Variants in DOP1B observed in about 807,000 individuals in gnomAD.
DOP1B encodes DOP1 leucine zipper like protein B.
Under a neutral mutation model 233.5 loss-of-function variants are expected in DOP1B, and 174 were observed. The ratio of observed to expected loss-of-function variants is 0.75; its 90% CI spans 0.66 to 0.85. DOP1B has a LOEUF of 0.85. DOP1B is among the 40% of genes least tolerant of loss of function. DOP1B has a pLI of 0.00. For missense variants in DOP1B, 2,652 were observed against 2,846.6 expected, an observed-to-expected ratio of 0.93 and a Z score of 1.56; for synonymous variants, 1,190 against 1,185.6, an observed-to-expected ratio of 1.00 and a Z score of -0.08.
chr21:36,228,497 T>G (rs1474510996), intron 13 of DOP1B, among the ~76,000 whole-genome samples: 2 of 151,430 alleles, frequency 1.3e-5, no homozygotes, highest in Non-Finnish European at 2.9e-5. Context: ...CTGGGCGCGG[T>G]GGCTCACGCC....
intron 2 of DOP1B, chr21:36,169,300 C>A: frequency 1.3e-6 from 1 of 790,080 alleles, no homozygotes; most frequent in Non-Finnish European, 2.2e-6. Flanking sequence ...GTTTGCTGTC[C>A]TCAGTAAGGT....
At chr21:36,158,981 A>G (rs960285226) in intron 1 of DOP1B, among the ~76,000 whole-genome samples, 1 of 149,948 alleles carries the variant, frequency 6.7e-6, no homozygotes, top group African/African-American at 2.5e-5. Context: ...TATTTTAAAA[A>G]ATTAGCCAGG....
intron 21 of DOP1B, 23 bp downstream of exon 21, chr21:36,248,591 C>G (rs2066996723): frequency 1.3e-6 from 2 of 1,584,876 alleles, no homozygotes; most frequent in Non-Finnish European, 1.7e-6. Context: ...CTCTGTAGTT[C>G]TGTCATTTAC....
At chr21:36,261,727 G>T in intron 24 of DOP1B, 1 of 862,102 alleles carries the variant, frequency 1.2e-6, no homozygotes, top group Non-Finnish European at 1.4e-6. Context: ...GGCCAACGTG[G>T]TAAAACCCTA....
intron 31 of DOP1B, 70 bp downstream of exon 31, chr21:36,280,416 A>G (rs2067402344): frequency 8.5e-7 from 1 of 1,180,514 alleles, no homozygotes; most frequent in East Asian, 2.4e-5. Flanking sequence ...AGCTTTCATC[A>G]TGTATTTCCG....
At chr21:36,175,701 G>C (rs943309396) in intron 2 of DOP1B, 4 of 152,246 alleles carry the variant, frequency 2.6e-5, no homozygotes, top group African/African-American at 9.7e-5. Flanking sequence ...GCTGAGGCAG[G>C]AGAATCACTT....
chr21:36,201,531 A>G (rs2066367066), intron 4 of DOP1B, among the ~76,000 whole-genome samples: 1 of 151,546 alleles, frequency 6.6e-6, no homozygotes, highest in African/African-American at 2.4e-5. Context: ...TATTTTTAGT[A>G]GAGATGGGGT....
Position 36,245,230 on chromosome 21 carries a change from C to T in DOP1B, c.3250C>T (p.Leu1084=). Residue 1084 remains leucine (L), a synonymous_variant, in exon 19 of 37, where the codon CTG becomes TTG. Coordinates refer to ENST00000691173, the MANE Select transcript of DOP1B (RefSeq NM_001320714.2). The surrounding 1 kb of genome is among the most constrained non-coding windows in gnomAD (Gnocchi z 5.5). ...CGAGAAGTACCCGCTGCGAGGCGAG[C>T]TGAGCGAGGAAGAGCTGCCCTACTA... The part of the protein sequence containing the change: ...EPEKYPLRGE[L]SEEELPYYVE... The T allele has an allele frequency of 1.2e-6, 2 of 1,614,106 alleles. No homozygotes were observed. Among genetic ancestry groups the T allele is most frequent in the Non-Finnish European group, 1.7e-6 (2 of 1,180,048 alleles).
rs1042423235 is a variant in DOP1B at position 36,227,149 on chromosome 21, A to G, written c.1474-537A>G. Reference sequence around the variant, plus strand: ...TGTGAACCTGGGAGGCAGAGCTTGCAGTGAGCCGAGATCACACCACTGCAC... The same window carrying G: ...TGTGAACCTGGGAGGCAGAGCTTGCGGTGAGCCGAGATCACACCACTGCAC... On this transcript the variant is annotated intron_variant, in intron 12 of 36. Transcript: ENST00000691173. 4.0e-5 allele frequency among the ~76,000 whole-genome samples: 6 copies of G among 150,954 alleles called. No homozygotes were observed. The South Asian group carries it at 1.3e-3, about 32-fold the overall frequency.
intron 4 of DOP1B, among the ~76,000 whole-genome samples, chr21:36,203,785 G>C (rs1342146653): frequency 6.6e-6 from 1 of 152,040 alleles, no homozygotes; most frequent in Non-Finnish European, 1.5e-5. Context: ...CATAAGGAAT[G>C]AAACTTTTGG....
intron 24 of DOP1B, chr21:36,260,960 CG>C: frequency 7.8e-7 from 1 of 1,282,106 alleles, no homozygotes; most frequent in Non-Finnish European, 9.8e-7. Flanking sequence ...TTTATATGAG[CG>C]AAGCTTTATG....
At chr21:36,275,922 A>G (rs1437912551) in intron 27 of DOP1B, among the ~76,000 whole-genome samples, 4 of 152,116 alleles carry the variant, frequency 2.6e-5, no homozygotes, top group Non-Finnish European at 4.4e-5. Context: ...GCTGCTGGGT[A>G]GTTAGGCAGT....
intron 15 of DOP1B, 115 bp downstream of exon 15, chr21:36,233,190 T>C (rs551221629): frequency 6.0e-6 from 8 of 1,328,750 alleles, no homozygotes; most frequent in African/African-American, 5.9e-5. Context: ...TGATATTCTA[T>C]AGGGCACTGG....
Position 36,270,022 on chromosome 21 carries a change from C to CAGA in DOP1B, c.5499_5501dup (p.Lys1834dup). ...TCCTGATAATTCTCAGGAAATCACT[C>CAGA]AGAAAATCCTAGAAGCTGTGGGGAA... On this transcript the variant is annotated inframe_insertion, in exon 27 of 37. Coordinates refer to ENST00000691173, the MANE Select transcript of DOP1B (RefSeq NM_001320714.2). 1 of 1,613,870 alleles carries CAGA rather than the reference C, an allele frequency of 6.2e-7. No homozygotes were observed. Among genetic ancestry groups the CAGA allele is most frequent in the Non-Finnish European group, 8.5e-7 (1 of 1,179,948 alleles).
intron 33 of DOP1B, 71 bp downstream of exon 33, chr21:36,288,221 T>C (rs2067512116): frequency 1.4e-6 from 2 of 1,427,264 alleles, no homozygotes; most frequent in East Asian, 4.6e-5. Context: ...TAACATAACG[T>C]ACTATTTCCT....
intron 9 of DOP1B, among the ~76,000 whole-genome samples, 195 bp from the exon 10 acceptor site, chr21:36,219,177 T>C (rs981863880): frequency 3.9e-5 from 6 of 152,206 alleles, no homozygotes; most frequent in Admixed American, 2.0e-4. Flanking sequence ...TACAAAAATG[T>C]TGGCTATTTT....
chr21:36,231,390 G>C (rs2066763691), intron 14 of DOP1B, among the ~76,000 whole-genome samples: 1 of 152,154 alleles, frequency 6.6e-6, no homozygotes, highest in Non-Finnish European at 1.5e-5. Flanking sequence ...TTTTGGATTT[G>C]GAATTTTCAG....
At position 36,194,800 on chromosome 21, in the gene DOP1B, T is replaced by G. The variant is rs2066270340; in HGVS notation, c.139-4270T>G. Among the ~76,000 whole-genome samples, 2 of 152,188 alleles carry G rather than the reference T, an allele frequency of 1.3e-5. 1 individual carries two copies. Among genetic ancestry groups the G allele is most frequent in the South Asian group, 4.1e-4 (2 of 4,826 alleles). ...CTGCACCCAGCCTTCTTGCTGCATT[T>G]TTAAAGAAGACAACTGCAGCTTGTC... On this transcript the variant is annotated intron_variant, in intron 2 of 36. Transcript: ENST00000691173.
chr21:36,293,381 C>G lies in DOP1B; in HGVS notation c.6707C>G (p.Ser2236Cys). ...GAATTCCCGCTTCTGCGCCAACATT[C>G]TGTTTCCAGCATCAGGCAGTTGATG... ...KSEFPLLRQH[S>C]VSSIRQLMPF... The change falls in exon 37 of 37, where the codon TCT (serine) becomes TGT (cysteine). Residue 2236 changes from serine to cysteine, a missense_variant. Physicochemically the swap from Ser to Cys is moderately radical, Grantham distance 112 (BLOSUM62 -1). Coordinates refer to ENST00000691173, the MANE Select transcript of DOP1B (RefSeq NM_001320714.2). The G allele has an allele frequency of 6.2e-7, 1 of 1,614,176 alleles. No homozygotes were observed. The highest frequency in any genetic ancestry group is 1.3e-5 in the African/African-American group (1 of 75,050).
Sources: gnomAD v4.1 joint callset for allele counts (sites outside exome capture counted in the v4.1 genomes callset) on GRCh38, gnomAD v4.1.1 for gene constraint, Gnocchi (gnomAD v3.1) non-coding constraint, MANE v1.5 for transcripts, NCBI Gene and HGNC (gene_info 2026-07-23, HGNC 2026-07-21) for gene names.